The following ERICH6B variants were observed in gnomAD, a reference collection of about 807,000 sequenced individuals.
The protein encoded by ERICH6B is glutamate rich 6B.
ERICH6B carries 69 observed loss-of-function variants against 80.0 expected under a neutral mutation model. That is an observed-to-expected ratio of 0.86 (90% CI 0.71 to 1.05). The LOEUF is 1.05. ERICH6B is among the 50% of genes least tolerant of loss of function. The pLI, the probability that ERICH6B is intolerant of heterozygous loss-of-function variation, is 0.00. For synonymous variants in ERICH6B, 283 were observed against 291.9 expected, an observed-to-expected ratio of 0.97 and a Z score of 0.31; for missense variants, 754 against 796.1, an observed-to-expected ratio of 0.95 and a Z score of 0.64.
At chr13:45,575,767 C>T (rs1433159307) in intron 7 of ERICH6B, among the ~76,000 whole-genome samples, 5 of 152,104 alleles carry the variant, frequency 3.3e-5, no homozygotes, top group African/African-American at 1.2e-4. Flanking sequence ...CTCTCGGGGC[C>T]AGGAGAGTGG....
chr13:45,612,818 G>A (rs942182388), intron 1 of ERICH6B, among the ~76,000 whole-genome samples: 1 of 152,164 alleles, frequency 6.6e-6, no homozygotes, highest in Non-Finnish European at 1.5e-5. Flanking sequence ...CAGAGAGGAA[G>A]GGCATCTTTT....
chr13:45,565,577 G>C (rs1367117045), intron 9 of ERICH6B, among the ~76,000 whole-genome samples: 2 of 152,214 alleles, frequency 1.3e-5, no homozygotes, highest in Non-Finnish European at 2.9e-5. Context: ...TTTCCATGCT[G>C]TTCTTGTGAT....
At chr13:45,579,506 C>T (rs1234660802) in intron 7 of ERICH6B, among the ~76,000 whole-genome samples, 1 of 152,168 alleles carries the variant, frequency 6.6e-6, no homozygotes, top group African/African-American at 2.4e-5. Flanking sequence ...CCAGCCCCCT[C>T]TTAATAAACA....
At chr13:45,579,031 C>A (rs576370775) in intron 7 of ERICH6B, among the ~76,000 whole-genome samples, 83 of 148,884 alleles carry the variant, frequency 5.6e-4, no homozygotes, top group Non-Finnish European at 1.5e-5. Flanking sequence ...GAGTGAGACC[C>A]TGTCTAAAGA....
intron 2 of ERICH6B, among the ~76,000 whole-genome samples, chr13:45,600,975 G>T (rs1435001463): frequency 6.6e-6 from 1 of 152,138 alleles, no homozygotes; most frequent in Non-Finnish European, 1.5e-5. Context: ...GACCATCCTT[G>T]TTACCTGATC....
At chr13:45,560,353 A>C (rs1471224639) in intron 11 of ERICH6B, among the ~76,000 whole-genome samples, 2 of 152,172 alleles carry the variant, frequency 1.3e-5, no homozygotes, top group African/African-American at 4.8e-5. Flanking sequence ...GTCATGGAAA[A>C]ATTGAGTGGA....
intron 2 of ERICH6B, among the ~76,000 whole-genome samples, chr13:45,607,201 G>A (rs1478123288): frequency 6.6e-6 from 1 of 152,162 alleles, no homozygotes; most frequent in South Asian, 2.1e-4. Context: ...GGAAGGTCAG[G>A]TTTTGTGGAA....
At chr13:45,580,365 C>T (rs1350431137) in intron 6 of ERICH6B, among the ~76,000 whole-genome samples, 1 of 152,218 alleles carries the variant, frequency 6.6e-6, no homozygotes, top group African/African-American at 2.4e-5. Flanking sequence ...TATTTCCTCT[C>T]CTTTCAAAAT....
intron 9 of ERICH6B, among the ~76,000 whole-genome samples, chr13:45,564,864 A>C (rs1007567181): frequency 3.9e-5 from 6 of 152,194 alleles, no homozygotes; most frequent in African/African-American, 1.4e-4. Context: ...AGAGGCACCC[A>C]AGGCCCTTTT....
chr13:45,571,629 A>G (rs1593786869), intron 8 of ERICH6B, among the ~76,000 whole-genome samples: 1 of 152,312 alleles, frequency 6.6e-6, no homozygotes, highest in Non-Finnish European at 1.5e-5. Flanking sequence ...TGCCACCCAA[A>G]TTCATATGTT....
chr13:45,567,828 A>G (rs1328738059), intron 9 of ERICH6B, among the ~76,000 whole-genome samples: 2 of 152,354 alleles, frequency 1.3e-5, no homozygotes, highest in East Asian at 1.9e-4. Flanking sequence ...ACCCCAGGTC[A>G]GTGAAGCTCA....
chr13:45,548,318 T>A (rs1566284308), intron 13 of ERICH6B, among the ~76,000 whole-genome samples: 2 of 152,228 alleles, frequency 1.3e-5, no homozygotes, highest in East Asian at 3.8e-4. Context: ...TTCTAGCAGT[T>A]AGGGTCGTGC....
chr13:45,567,207 T>C (rs765641031), intron 9 of ERICH6B, among the ~76,000 whole-genome samples: 1 of 152,270 alleles, frequency 6.6e-6, no homozygotes, highest in Non-Finnish European at 1.5e-5. Context: ...GCTTTTGATT[T>C]TACAGGCTCA....
intron 5 of ERICH6B, among the ~76,000 whole-genome samples, chr13:45,586,080 T>C (rs1197661397): frequency 1.4e-5 from 2 of 145,478 alleles, no homozygotes; most frequent in Non-Finnish European, 1.5e-5. Flanking sequence ...GTGGTCATGC[T>C]TACTGACTTT....
chr13:45,582,882 A>G (rs1316023569), intron 5 of ERICH6B, among the ~76,000 whole-genome samples: 1 of 152,196 alleles, frequency 6.6e-6, no homozygotes, highest in East Asian at 1.9e-4. Flanking sequence ...CCTAAAAGCC[A>G]GTATTATGTA....
intron 14 of ERICH6B, among the ~76,000 whole-genome samples, chr13:45,542,526 C>T (rs535220514): frequency 3.0e-4 from 45 of 152,304 alleles, no homozygotes; most frequent in South Asian, 8.3e-4. Flanking sequence ...TGCCCCTCCC[C>T]GGGACTCTAG....
chr13:45,556,690 A>G (rs749231614), intron 11 of ERICH6B, among the ~76,000 whole-genome samples: 4 of 152,122 alleles, frequency 2.6e-5, no homozygotes, highest in Admixed American at 6.6e-5. Context: ...TTAGAATAAT[A>G]GTCTCCAATC....
chr13:45,553,140 C>A, intron 11 of ERICH6B: 1 of 342,294 alleles, frequency 2.9e-6, no homozygotes, highest in South Asian at 2.4e-5. Context: ...CAGCCATATT[C>A]TTTTAGTATG....
Position 45,550,057 on chromosome 13 carries a change from T to C in ERICH6B, c.1494-12A>G. The C allele has an allele frequency of 6.4e-7, 1 of 1,551,342 alleles. No homozygotes were observed. ...TTCCTGATGGATAACTGGGAGAAGG[T>C]TAAGGCACAAGTAGTCAGTCCTTGG... On this transcript the variant is annotated splice_polypyrimidine_tract_variant and intron_variant, in intron 12 of 14. Transcript: ENST00000298738.
Sources: allele counts gnomAD v4.1 joint callset (sites outside exome capture counted in the v4.1 genomes callset), GRCh38; gene constraint gnomAD v4.1.1; transcripts MANE v1.5; gene names NCBI Gene and HGNC (gene_info 2026-07-23, HGNC 2026-07-21).